Variants in COL22A1 observed in about 807,000 individuals in gnomAD.
COL22A1 encodes collagen type XXII alpha 1 chain.
Under a neutral mutation model 248.9 loss-of-function variants are expected in COL22A1, and 221 were observed. The ratio of observed to expected loss-of-function variants is 0.89; its 90% CI spans 0.80 to 0.99. The LOEUF (loss-of-function observed/expected upper bound fraction) is 0.99, where lower values mean the gene tolerates loss of function less well. Ranked by LOEUF, COL22A1 falls within the 50% of genes least tolerant of loss-of-function variation. COL22A1 has a pLI of 0.00. For missense variants in COL22A1, 2,240 were observed against 2,179.0 expected, an observed-to-expected ratio of 1.03 and a Z score of -0.56; for synonymous variants, 891 against 793.4, an observed-to-expected ratio of 1.12 and a Z score of -2.07.
intron 23 of COL22A1, among the ~76,000 whole-genome samples, chr8:138,727,231 G>A (rs1420792481): frequency 1.3e-5 from 2 of 152,066 alleles, no homozygotes; most frequent in Non-Finnish European, 2.9e-5. Flanking sequence ...GACTTTTCTA[G>A]CTCAGGTTTC....
chr8:138,726,498 C>CAA (rs371982028), intron 23 of COL22A1, among the ~76,000 whole-genome samples: 70 of 95,626 alleles, frequency 7.3e-4, no homozygotes, highest in Middle Eastern at 5.8e-3. Flanking sequence ...CCTGTATCTA[C>CAA]AAAAAAAAAA....
chr8:138,770,617 G>A (rs752305453), intron 16 of COL22A1, among the ~76,000 whole-genome samples: 2 of 152,240 alleles, frequency 1.3e-5, no homozygotes, highest in African/African-American at 2.4e-5. Context: ...CTTTTTCCAA[G>A]AGAAGATGGA....
At chr8:138,911,877 G>T (rs1815477041) in intron 1 of COL22A1, among the ~76,000 whole-genome samples, 1 of 152,156 alleles carries the variant, frequency 6.6e-6, no homozygotes, top group African/African-American at 2.4e-5. Context: ...TTGGACCCCA[G>T]GAAAGAAAAT....
At position 138,821,419 on chromosome 8, in the gene COL22A1, G is replaced by A. The variant is rs1473200082; in HGVS notation, c.970-8C>T. Reference sequence around the variant, plus strand: ...ATCCAGCCGGATGGAGACCTGGGGAGGAAAGGACCAGAGACTCCTTGAGCT... The same window carrying A: ...ATCCAGCCGGATGGAGACCTGGGGAAGAAAGGACCAGAGACTCCTTGAGCT... On this transcript the variant is annotated splice_region_variant and splice_polypyrimidine_tract_variant and intron_variant, in intron 6 of 64. Coordinates refer to ENST00000303045, the MANE Select transcript of COL22A1 (RefSeq NM_152888.3). 8 of 1,610,232 alleles carry A rather than the reference G, an allele frequency of 5.0e-6. No individual in the cohort carries two copies. In the Admixed American group the frequency reaches 1.2e-4, roughly 24 times the overall value.
chr8:138,844,267 G>A (rs1821079866), intron 3 of COL22A1, 109 bp from the exon 4 acceptor site: 1 of 940,646 alleles, frequency 1.1e-6, no homozygotes, highest in Admixed American at 1.7e-5. Context: ...CATGTGAGGT[G>A]TTCAATGCCT....
At chr8:138,806,000 G>GTAA (rs1817594198) in intron 10 of COL22A1, among the ~76,000 whole-genome samples, 50 of 58,992 alleles carry the variant, frequency 8.5e-4, no homozygotes, top group Middle Eastern at 8.8e-3. Context: ...GATGGTGTGT[G>GTAA]TGTGTGACGG....
intron 7 of COL22A1, among the ~76,000 whole-genome samples, chr8:138,814,416 AGTGTGTTCTTCTCTCTCTGTCTCTCT>A (rs572197396): frequency 6.3e-4 from 96 of 152,282 alleles, no homozygotes; most frequent in African/African-American, 2.1e-3. Flanking sequence ...TGCTGTCTTC[AGTGTGTTCTTCTCTCTCTGTCTCTCT>A]GTGTGTCCCT....
intron 12 of COL22A1, among the ~76,000 whole-genome samples, chr8:138,788,392 T>C (rs1815728527): frequency 6.6e-6 from 1 of 152,246 alleles, no homozygotes; most frequent in African/African-American, 2.4e-5. Flanking sequence ...ATTTTCATTT[T>C]ATAGTGAATA....
At chr8:138,707,173 ACCAG>A (rs1295524710) in intron 30 of COL22A1, among the ~76,000 whole-genome samples, 12 of 152,310 alleles carry the variant, frequency 7.9e-5, no homozygotes, top group African/African-American at 2.6e-4. Flanking sequence ...ACAGTCCAGG[ACCAG>A]ATGCATTCAC....
intron 16 of COL22A1, among the ~76,000 whole-genome samples, chr8:138,769,282 T>C (rs1834164464): frequency 6.6e-6 from 1 of 152,160 alleles, no homozygotes; most frequent in Non-Finnish European, 1.5e-5. Flanking sequence ...ATGAGCTCCC[T>C]GCTGTACTCG....
chr8:138,605,872 T>A (rs1818378908), intron 58 of COL22A1, among the ~76,000 whole-genome samples: 1 of 152,186 alleles, frequency 6.6e-6, no homozygotes, highest in African/African-American at 2.4e-5. Context: ...ACCTACCACA[T>A]GGCTTTGAGT....
At chr8:138,649,334 T>C (rs1041867001) in intron 46 of COL22A1, among the ~76,000 whole-genome samples, 5 of 152,144 alleles carry the variant, frequency 3.3e-5, no homozygotes, top group African/African-American at 1.2e-4. Context: ...GCCTATTACA[T>C]AGTAGATAGG....
chr8:138,875,253 G>A (rs1347199329), intron 3 of COL22A1, among the ~76,000 whole-genome samples: 1 of 152,118 alleles, frequency 6.6e-6, no homozygotes, highest in Non-Finnish European at 1.5e-5. Context: ...AGGCATGGGG[G>A]AGAGGCCTGG....
At chr8:138,795,165 G>A (rs931216648) in intron 12 of COL22A1, among the ~76,000 whole-genome samples, 1 of 152,200 alleles carries the variant, frequency 6.6e-6, no homozygotes, top group African/African-American at 2.4e-5. Context: ...GTGCTTTTAA[G>A]TCACAGAGAA....
At chr8:138,913,176 C>T (rs748041240) in intron 1 of COL22A1, among the ~76,000 whole-genome samples, 2 of 152,090 alleles carry the variant, frequency 1.3e-5, no homozygotes, top group Non-Finnish European at 2.9e-5. Flanking sequence ...ATTCTTTCCC[C>T]ACCCCCTGCT....
intron 3 of COL22A1, among the ~76,000 whole-genome samples, chr8:138,865,915 G>A (rs1422207442): frequency 6.7e-6 from 1 of 148,950 alleles, no homozygotes; most frequent in African/African-American, 2.5e-5. Context: ...ATGCCTGCAT[G>A]TGAGTGTATA....
intron 1 of COL22A1, among the ~76,000 whole-genome samples, chr8:138,898,644 C>T (rs749824064): frequency 3.3e-5 from 5 of 152,100 alleles, no homozygotes; most frequent in Non-Finnish European, 2.9e-5. Flanking sequence ...AATAGGTCCC[C>T]AAGAGTAAAA....
chr8:138,783,159 C>G (rs1209897551), intron 12 of COL22A1, among the ~76,000 whole-genome samples: 1 of 152,118 alleles, frequency 6.6e-6, no homozygotes, highest in East Asian at 1.9e-4. Context: ...CTGAACACCA[C>G]CCCTCTGACC....
chr8:138,829,922 A>G (rs1389999210), intron 5 of COL22A1, among the ~76,000 whole-genome samples: 1 of 152,116 alleles, frequency 6.6e-6, no homozygotes, highest in Non-Finnish European at 1.5e-5. Flanking sequence ...ACACACACAT[A>G]TGTGGGTATA....
Sources: allele counts gnomAD v4.1 joint callset (sites outside exome capture counted in the v4.1 genomes callset), GRCh38; gene constraint gnomAD v4.1.1; transcripts MANE v1.5; gene names NCBI Gene and HGNC (gene_info 2026-07-23, HGNC 2026-07-21).